The following ANKMY1 variants were observed in gnomAD, a reference collection of about 807,000 sequenced individuals.
ANKMY1 encodes the protein ankyrin repeat and MYND domain-containing protein 1.
Under a neutral mutation model 102.0 loss-of-function variants are expected in ANKMY1, and 98 were observed. The ratio of observed to expected loss-of-function variants is 0.96; its 90% CI spans 0.82 to 1.14. The LOEUF (loss-of-function observed/expected upper bound fraction) is 1.14, where lower values mean the gene tolerates loss of function less well. Ranked by LOEUF, ANKMY1 falls within the 50% of genes most tolerant of loss-of-function variation. The pLI is 0.00. For synonymous variants in ANKMY1, 582 were observed against 559.9 expected (o/e 1.04, Z -0.56); for missense variants, 1,330 against 1,347.6 (o/e 0.99, Z 0.20).
At chr2:240,552,800 A>T in intron 4 of ANKMY1, 114 bp downstream of exon 4, 1 of 1,513,798 alleles carries the variant, frequency 6.6e-7, no homozygotes, top group Non-Finnish European at 9.1e-7. Flanking sequence ...AAAGTAAAAA[A>T]GCTACTTGTA....
At chr2:240,532,990 G>T (rs1007692206) in intron 4 of ANKMY1, among the ~76,000 whole-genome samples, 1 of 152,222 alleles carries the variant, frequency 6.6e-6, no homozygotes, top group African/African-American at 2.4e-5. Flanking sequence ...TTACAGGCAT[G>T]GGCCCCCACA....
At chr2:240,545,504 G>A (rs947300799) in intron 4 of ANKMY1, among the ~76,000 whole-genome samples, 1 of 152,198 alleles carries the variant, frequency 6.6e-6, no homozygotes, top group African/African-American at 2.4e-5. Context: ...AACAAAGCTG[G>A]ACGGAGAATG....
Position 240,520,844 on chromosome 2 carries a change from C to G in ANKMY1, c.1833-311G>C, listed in dbSNP as rs1047728461. Among the ~76,000 whole-genome samples the G allele has an allele frequency of 6.6e-6, 1 of 151,234 alleles. No individual in the cohort carries two copies. Among genetic ancestry groups the G allele is most frequent in the African/African-American group, 2.4e-5 (1 of 41,098 alleles). ...ACCCCACACACAAGCCACACCAGAG[C>G]GCACACACCATAGCACAGCGCACAC... On this transcript the variant is annotated intron_variant, in intron 8 of 17. Coordinates refer to ENST00000401804, the MANE Select transcript of ANKMY1 (RefSeq NM_001282771.3). This position sits in a 1 kb window ranked among gnomAD's most constrained non-coding sequence, Gnocchi z 4.8.
At chr2:240,559,880 T>C (rs925947750), upstream of ANKMY1, among the ~76,000 whole-genome samples, 2 of 152,254 alleles carry the variant, frequency 1.3e-5, no homozygotes, top group Non-Finnish European at 2.9e-5. Context: ...TAAATGTCTG[T>C]AGGGCTGTTG....
At chr2:240,475,736 A>T (rs1026304587), downstream of ANKMY1, among the ~76,000 whole-genome samples, 1 of 151,920 alleles carries the variant, frequency 6.6e-6, no homozygotes, top group Non-Finnish European at 1.5e-5. Context: ...ATTCATTATT[A>T]CGTCTAACAG....
At chr2:240,509,758 G>A (rs959041673) in intron 11 of ANKMY1, among the ~76,000 whole-genome samples, 11 of 152,146 alleles carry the variant, frequency 7.2e-5, no homozygotes, top group Non-Finnish European at 1.3e-4. Flanking sequence ...CAGAGGACAA[G>A]GGACAGTCCA....
At chr2:240,505,823 C>T (rs2078979712) in intron 13 of ANKMY1, among the ~76,000 whole-genome samples, 2 of 152,172 alleles carry the variant, frequency 1.3e-5, no homozygotes, top group South Asian at 4.1e-4. Flanking sequence ...ATGTAGGGGT[C>T]ACCTGGATGC....
At chr2:240,560,580 G>GGCGCCCGGCGGC, upstream of ANKMY1, 5 of 1,316,608 alleles carry the variant, frequency 3.8e-6, no homozygotes, top group Non-Finnish European at 4.8e-6. Context: ...AGGACCCGGG[G>GGCGCCCGGCGGC]GCGCCCGGCG....
chr2:240,546,279 G>C (rs1211214291), intron 4 of ANKMY1, among the ~76,000 whole-genome samples: 16 of 150,452 alleles, frequency 1.1e-4, no homozygotes, highest in African/African-American at 3.4e-4. Context: ...AAGTGAAGGA[G>C]AAATAAAATA....
chr2:240,480,808 T>C, intron 17 of ANKMY1, 129 bp downstream of exon 17: 1 of 1,322,722 alleles, frequency 7.6e-7, no homozygotes, highest in Middle Eastern at 2.8e-4. Context: ...GATCTGGAAA[T>C]GTTGGGAAAG....
chr2:240,494,829 G>A (rs1306423670), intron 15 of ANKMY1, among the ~76,000 whole-genome samples: 1 of 152,068 alleles, frequency 6.6e-6, no homozygotes, highest in Non-Finnish European at 1.5e-5. Context: ...ACTTGTGGGT[G>A]GCAAGCCACC....
At chr2:240,532,943 A>T (rs1289702848) in intron 4 of ANKMY1, among the ~76,000 whole-genome samples, 1 of 152,230 alleles carries the variant, frequency 6.6e-6, no homozygotes, top group African/African-American at 2.4e-5. Flanking sequence ...CCTGGCCTCA[A>T]GCGATCCTCC....
intron 4 of ANKMY1, among the ~76,000 whole-genome samples, chr2:240,545,649 A>C (rs1350876882): frequency 6.6e-5 from 10 of 152,204 alleles, no homozygotes; most frequent in Admixed American, 1.3e-4. Flanking sequence ...AATAACCAAT[A>C]CAGAGAAGTG....
intron 4 of ANKMY1, among the ~76,000 whole-genome samples, chr2:240,546,680 T>G (rs892468289): frequency 1.3e-5 from 2 of 151,136 alleles, no homozygotes; most frequent in Non-Finnish European, 2.9e-5. Context: ...ACCAAGCAAA[T>G]GGAAAACAAA....
upstream of ANKMY1, among the ~76,000 whole-genome samples, chr2:240,559,446 C>G (rs909881299): frequency 6.6e-6 from 1 of 152,200 alleles, no homozygotes; most frequent in African/African-American, 2.4e-5. Context: ...CCAAAGTGCT[C>G]TCTCCTTCAT....
intron 9 of ANKMY1, among the ~76,000 whole-genome samples, chr2:240,515,051 C>T (rs1307292951): frequency 6.6e-6 from 1 of 152,356 alleles, no homozygotes; most frequent in Non-Finnish European, 1.5e-5. Context: ...CTATTCAATC[C>T]CTCTAGGCCC....
chr2:240,504,523 T>A (rs1225897127), intron 13 of ANKMY1, among the ~76,000 whole-genome samples: 1 of 152,078 alleles, frequency 6.6e-6, no homozygotes, highest in Non-Finnish European at 1.5e-5. Context: ...ATAAATTACA[T>A]ACCCGATAAG....
chr2:240,552,570 G>T (rs2091705910), intron 4 of ANKMY1, among the ~76,000 whole-genome samples: 1 of 152,142 alleles, frequency 6.6e-6, no homozygotes, highest in East Asian at 1.9e-4. Context: ...AGGGGGAAAG[G>T]CATCTGTATT....
downstream of ANKMY1, among the ~76,000 whole-genome samples, chr2:240,479,112 G>A (rs555913855): frequency 1.3e-5 from 2 of 152,294 alleles, no homozygotes; most frequent in South Asian, 2.1e-4. Context: ...CTCCGTAAGT[G>A]CACGGGGAAC....
Sources: gnomAD v4.1 joint callset for allele counts (sites outside exome capture counted in the v4.1 genomes callset) on GRCh38, gnomAD v4.1.1 for gene constraint, Gnocchi (gnomAD v3.1) non-coding constraint, MANE v1.5 for transcripts, NCBI Gene and HGNC (gene_info 2026-07-23, HGNC 2026-07-21) for gene names.